Variants in GPC5 observed in about 807,000 individuals in gnomAD.
GPC5 encodes the protein glypican-5.
In GPC5, 47 loss-of-function variants were observed where a neutral mutation model predicts 53.9. The ratio of observed to expected loss-of-function variants is 0.87; its 90% CI spans 0.69 to 1.11. The LOEUF (loss-of-function observed/expected upper bound fraction) is 1.11, where lower values mean the gene tolerates loss of function less well. Among genes scored for constraint, GPC5 ranks in the 50% most tolerant of loss-of-function variants. The probability of loss-of-function intolerance (pLI) is 0.00; values close to 1 mark genes in which losing one functional copy is unlikely to be tolerated. For synonymous variants in GPC5, 286 were observed against 263.3 expected, an observed-to-expected ratio of 1.09 and a Z score of -0.84; for missense variants, 748 against 713.1, an observed-to-expected ratio of 1.05 and a Z score of -0.56.
intron 5 of GPC5, among the ~76,000 whole-genome samples, chr13:91,837,027 A>C (rs2038729232): frequency 6.7e-6 from 1 of 149,918 alleles, no homozygotes; most frequent in South Asian, 2.1e-4. Context: ...TAAAACTAAG[A>C]GATGAAATTT....
intron 7 of GPC5, among the ~76,000 whole-genome samples, chr13:92,450,339 G>A (rs1594212598): frequency 6.6e-6 from 1 of 152,158 alleles, no homozygotes; most frequent in African/African-American, 2.4e-5. Flanking sequence ...ATATCTTAGG[G>A]ATGGGACCCA....
intron 7 of GPC5, among the ~76,000 whole-genome samples, chr13:92,838,678 C>G (rs929953815): frequency 2.6e-5 from 4 of 151,930 alleles, no homozygotes; most frequent in Non-Finnish European, 5.9e-5. Context: ...TGACAAATAA[C>G]TTTAAAATAA....
intron 2 of GPC5, among the ~76,000 whole-genome samples, chr13:91,480,400 C>T (rs1883234986): frequency 6.6e-6 from 1 of 152,172 alleles, no homozygotes; most frequent in Non-Finnish European, 1.5e-5. Context: ...GTACACATGT[C>T]TCTCTATAAA....
intron 7 of GPC5, among the ~76,000 whole-genome samples, chr13:92,613,316 A>C (rs1256349751): frequency 9.5e-6 from 1 of 104,786 alleles, no homozygotes; most frequent in African/African-American, 4.0e-5. Context: ...AATGTATATA[A>C]TAAATATTTA....
At chr13:92,250,063 C>A (rs1365862903) in intron 7 of GPC5, among the ~76,000 whole-genome samples, 1 of 152,006 alleles carries the variant, frequency 6.6e-6, no homozygotes, top group Non-Finnish European at 1.5e-5. Flanking sequence ...TGGATACATT[C>A]TATTTTTGTT....
At chr13:92,028,241 C>T (rs978751863) in intron 6 of GPC5, among the ~76,000 whole-genome samples, 6 of 152,040 alleles carry the variant, frequency 3.9e-5, no homozygotes, top group African/African-American at 9.7e-5. Context: ...TCTTATGACT[C>T]ATTAAATCAG....
chr13:92,611,336 T>C (rs1884429947), intron 7 of GPC5, among the ~76,000 whole-genome samples: 1 of 152,288 alleles, frequency 6.6e-6, no homozygotes, highest in Non-Finnish European at 1.5e-5. Context: ...GGATGACTCT[T>C]TGAGAATCAG....
intron 7 of GPC5, among the ~76,000 whole-genome samples, chr13:92,854,292 A>C (rs1230703153): frequency 1.4e-5 from 2 of 147,564 alleles, no homozygotes; most frequent in Middle Eastern, 3.6e-3. Context: ...TATATATAGA[A>C]AAATATATAT....
intron 7 of GPC5, among the ~76,000 whole-genome samples, chr13:92,479,363 TC>T (rs1375675775): frequency 6.6e-6 from 1 of 152,154 alleles, no homozygotes; most frequent in Non-Finnish European, 1.5e-5. Flanking sequence ...GCGATAAACT[TC>T]ACTAAACACT....
At chr13:91,543,372 A>G (rs2030078966) in intron 2 of GPC5, among the ~76,000 whole-genome samples, 1 of 152,194 alleles carries the variant, frequency 6.6e-6, no homozygotes, top group African/African-American at 2.4e-5. Context: ...TTAAAAAGAT[A>G]AATTCCTATA....
intron 7 of GPC5, among the ~76,000 whole-genome samples, chr13:92,272,742 C>T (rs1180007264): frequency 1.3e-5 from 2 of 152,054 alleles, no homozygotes; most frequent in Admixed American, 6.6e-5. Context: ...GATCCCAATA[C>T]CATGGAGCTT....
intron 7 of GPC5, among the ~76,000 whole-genome samples, chr13:92,525,642 A>G (rs1267928108): frequency 6.6e-6 from 1 of 152,024 alleles, no homozygotes; most frequent in Non-Finnish European, 1.5e-5. Context: ...TTATATCTCT[A>G]AGGGACTACT....
In GPC5 at chr13:92,111,009, C is replaced by T. The variant is rs141876027; in HGVS notation, c.1402-33821C>T. 5.6e-3 allele frequency among the ~76,000 whole-genome samples: 852 copies of T among 152,212 alleles called. 4 individuals are homozygous for T. Among genetic ancestry groups the T allele is most frequent in the Non-Finnish European group, 9.9e-3 (671 of 68,006 alleles). On this transcript the variant is annotated intron_variant, in intron 6 of 7. Transcript: ENST00000377067. Reference sequence around the variant, plus strand: ...CTAATCATTGAATAAAATATACCTGCCTTGAAGAGCTCCCTTTCCAACTGG... The same window carrying T: ...CTAATCATTGAATAAAATATACCTGTCTTGAAGAGCTCCCTTTCCAACTGG...
intron 5 of GPC5, among the ~76,000 whole-genome samples, chr13:91,778,548 C>T (rs1248880574): frequency 6.6e-6 from 1 of 152,132 alleles, no homozygotes; most frequent in East Asian, 1.9e-4. Flanking sequence ...AGTCGTTGTT[C>T]ACAAATATCA....
intron 6 of GPC5, among the ~76,000 whole-genome samples, chr13:91,976,533 G>A (rs970906307): frequency 6.6e-6 from 1 of 152,180 alleles, no homozygotes; most frequent in African/African-American, 2.4e-5. Context: ...TAACTAAGCT[G>A]TGGGAAAACA....
intron 7 of GPC5, among the ~76,000 whole-genome samples, chr13:92,620,747 T>C (rs1303655633): frequency 1.3e-5 from 2 of 152,058 alleles, no homozygotes; most frequent in Admixed American, 6.6e-5. Context: ...AGAATACAAA[T>C]TTACAATATA....
chr13:91,673,351 T>C (rs533788140), intron 2 of GPC5, among the ~76,000 whole-genome samples: 1 of 152,318 alleles, frequency 6.6e-6, no homozygotes, highest in South Asian at 2.1e-4. Flanking sequence ...ATTTAAAAAA[T>C]TTAGTTATTC....
At chr13:92,844,758 T>C (rs1878555371) in intron 7 of GPC5, among the ~76,000 whole-genome samples, 1 of 152,178 alleles carries the variant, frequency 6.6e-6, no homozygotes, top group Admixed American at 6.5e-5. Flanking sequence ...GGCAGTTATA[T>C]ATACAAAAAA....
chr13:92,537,563 G>A (rs1881766384), intron 7 of GPC5, among the ~76,000 whole-genome samples: 2 of 152,086 alleles, frequency 1.3e-5, no homozygotes, highest in South Asian at 4.1e-4. Context: ...TTCAAGTAGT[G>A]TTTATCATCA....
Sources: allele counts gnomAD v4.1 joint callset (sites outside exome capture counted in the v4.1 genomes callset), GRCh38; gene constraint gnomAD v4.1.1; transcripts MANE v1.5; gene names NCBI Gene and HGNC (gene_info 2026-07-23, HGNC 2026-07-21).